The following TMEM260 variants were observed in gnomAD, a reference collection of about 807,000 sequenced individuals.
TMEM260 encodes the protein protein O-mannosyl-transferase TMEM260.
In TMEM260, 82 loss-of-function variants were observed where a neutral mutation model predicts 88.9. The observed-to-expected ratio is 0.92, with a 90% confidence interval of 0.77 to 1.11. The LOEUF (loss-of-function observed/expected upper bound fraction) is 1.11, where lower values mean the gene tolerates loss of function less well. TMEM260 is among the 50% of genes least tolerant of loss of function. The pLI, the probability that TMEM260 is intolerant of heterozygous loss-of-function variation, is 0.00. For synonymous variants in TMEM260, 314 were observed against 309.3 expected (o/e 1.02, Z -0.16); for missense variants, 902 against 853.4 (o/e 1.06, Z -0.71).
At chr14:56,586,536 C>A (rs1885516208) in intron 3 of TMEM260, among the ~76,000 whole-genome samples, 1 of 152,046 alleles carries the variant, frequency 6.6e-6, no homozygotes, top group Non-Finnish European at 1.5e-5. Context: ...ATGCTGGTAA[C>A]CCATTGTCTT....
intron 15 of TMEM260, among the ~76,000 whole-genome samples, chr14:56,645,300 A>C (rs1889883527): frequency 1.3e-5 from 2 of 151,836 alleles, no homozygotes; most frequent in South Asian, 2.1e-4. Context: ...ACACCATGGA[A>C]TACTATGCAG....
At chr14:56,601,695 T>C (rs543429403) in intron 3 of TMEM260, among the ~76,000 whole-genome samples, 1 of 152,306 alleles carries the variant, frequency 6.6e-6, no homozygotes, top group South Asian at 2.1e-4. Context: ...AATGATGTCC[T>C]TCTCACCTAT....
At chr14:56,640,990 T>C (rs1404840395) in intron 15 of TMEM260, among the ~76,000 whole-genome samples, 5 of 152,114 alleles carry the variant, frequency 3.3e-5, no homozygotes, top group African/African-American at 7.2e-5. Flanking sequence ...TATGGGACTA[T>C]GTGAAAACAA....
chr14:56,622,821 G>A lies in TMEM260; in HGVS notation c.1398+1119G>A, dbSNP rs117653645. On this transcript the variant is annotated intron_variant, in intron 11 of 15. Transcript: ENST00000261556. Reference sequence around the variant, plus strand: ...TTAATGAATAATTATAATTTTTGGAGAAAACTTTATAAACAGATTTGTAAA... The same window carrying A: ...TTAATGAATAATTATAATTTTTGGAAAAAACTTTATAAACAGATTTGTAAA... Among the ~76,000 whole-genome samples, 596 of 152,206 alleles carry A rather than the reference G, an allele frequency of 3.9e-3. 3 individuals carry two copies. The highest frequency in any genetic ancestry group is 7.0e-3 in the Non-Finnish European group (473 of 68,006).
intron 15 of TMEM260, among the ~76,000 whole-genome samples, chr14:56,642,629 G>A (rs1889681434): frequency 6.6e-6 from 1 of 152,100 alleles, no homozygotes; most frequent in African/African-American, 2.4e-5. Flanking sequence ...ACATTCAAAA[G>A]CTAGCAGAAG....
rs1890058805 is a variant in TMEM260 at position 56,647,779 on chromosome 14, A to G, written c.*282A>G. ...GTCTTTCACCAGATGACTGCACTGG[A>G]TTAGATTCTAGAAGAGAATGAACCA... On this transcript the variant is annotated 3_prime_UTR_variant, in exon 16 of 16. Coordinates refer to ENST00000261556, the MANE Select transcript of TMEM260 (RefSeq NM_017799.4). 3 of 378,248 alleles carry G rather than the reference A, an allele frequency of 7.9e-6. No homozygotes were observed. The highest frequency in any genetic ancestry group is 1.1e-4 in the East Asian group (2 of 17,738). The allele number at this position is 378,248 out of a possible 1,614,324, so 23.4% of individuals were successfully genotyped here.
intron 3 of TMEM260, among the ~76,000 whole-genome samples, chr14:56,589,394 T>C (rs1403123110): frequency 6.6e-6 from 1 of 152,176 alleles, no homozygotes; most frequent in African/African-American, 2.4e-5. Context: ...CTCATGTGAA[T>C]TGAAAGTAAA....
chr14:56,629,391 A>G (rs1234637109), intron 12 of TMEM260, among the ~76,000 whole-genome samples: 1 of 151,708 alleles, frequency 6.6e-6, no homozygotes, highest in Non-Finnish European at 1.5e-5. Flanking sequence ...CCTTACTGTC[A>G]TATAAGTCTT....
chr14:56,605,632 C>CT lies in TMEM260; in HGVS notation c.586dup (p.Tyr196LeufsTer48). The stretch of plus-strand genomic sequence containing the variant: ...TATGTAACCAGCACACAATAATACT[C>CT]TATGTTTTGTGCATAATACCTTGGA... On this transcript the variant is annotated frameshift_variant, in exon 5 of 16. Coordinates refer to ENST00000261556, the MANE Select transcript of TMEM260 (RefSeq NM_017799.4). LOFTEE classifies it high-confidence loss of function. The CT allele has an allele frequency of 6.3e-7, 1 of 1,594,856 alleles. No individual in the cohort carries two copies. The highest frequency in any genetic ancestry group is 1.8e-5 in the Admixed American group (1 of 57,036).
At chr14:56,640,349 G>A (rs1334495009) in intron 15 of TMEM260, among the ~76,000 whole-genome samples, 1 of 152,190 alleles carries the variant, frequency 6.6e-6, no homozygotes, top group African/African-American at 2.4e-5. Flanking sequence ...AATATCCGCT[G>A]TTCTGCAGCC....
At chr14:56,656,020 GA>G in the TMEM260 span, among the ~76,000 whole-genome samples, 2 of 152,170 alleles carry the variant, frequency 1.3e-5, no homozygotes, top group African/African-American at 4.8e-5. Context: ...GTTCTTTCCA[GA>G]AGATAGGATT....
In TMEM260 at chr14:56,647,482, T is replaced by C. The variant is rs780554023; in HGVS notation, c.2109T>C (p.Asn703=). 6.9e-6 allele frequency: 11 copies of C among 1,597,718 alleles called. 1 individual carries two copies. The highest frequency in any genetic ancestry group is 1.1e-5 in the South Asian group (1 of 87,856). ...GAAAAGAACTGCAAAGTCTGAGAAA[T>C]AGGAAAAATGTCTGAGACAGCAAAA... ...HLRKELQSLR[N]RKNV The change falls in exon 16 of 16, where the codon AAT becomes AAC. Residue 703 remains asparagine, a synonymous_variant. Coordinates refer to ENST00000261556, the MANE Select transcript of TMEM260 (RefSeq NM_017799.4).
intron 7 of TMEM260, chr14:56,613,649 G>A (rs1241014959): frequency 2.0e-5 from 3 of 151,934 alleles, no homozygotes; most frequent in Non-Finnish European, 4.4e-5. Context: ...TTACTTTCAC[G>A]TAACCTTTTG....
intron 12 of TMEM260, among the ~76,000 whole-genome samples, chr14:56,628,896 CT>C (rs34838221): frequency 0.37 from 54,237 of 145,098 alleles, 10,249 homozygotes; most frequent in East Asian, 0.59. Flanking sequence ...TTTTGTATTT[CT>C]TTTTTTTTTT....
intron 10 of TMEM260, chr14:56,619,342 TC>T (rs1187107779): frequency 6.6e-6 from 1 of 152,524 alleles, no homozygotes; most frequent in African/African-American, 2.4e-5. Context: ...ATGCCTTTTT[TC>T]TTTTTTTTTT....
intron 7 of TMEM260, chr14:56,613,966 G>C (rs1208608294): frequency 6.6e-6 from 1 of 151,450 alleles, no homozygotes; most frequent in Non-Finnish European, 1.5e-5. Flanking sequence ...GCAGTGGTGA[G>C]ATCTCTGCTC....
At chr14:56,633,460 C>G (rs1888783833) in intron 13 of TMEM260, 1 of 245,188 alleles carries the variant, frequency 4.1e-6, no homozygotes, top group Admixed American at 5.0e-5. Flanking sequence ...GCTGCATCAT[C>G]TACCATCCTA....
downstream of TMEM260, among the ~76,000 whole-genome samples, chr14:56,651,854 A>G (rs962988967): frequency 6.6e-6 from 1 of 152,268 alleles, no homozygotes; most frequent in Non-Finnish European, 1.5e-5. Context: ...TTAATCATTA[A>G]GTTCATAAAC....
intron 7 of TMEM260, chr14:56,615,519 T>A (rs1887539809): frequency 6.5e-6 from 1 of 153,172 alleles, no homozygotes; most frequent in African/African-American, 2.4e-5. Context: ...TTTATTTTCT[T>A]CATATTAGAT....
Sources: gnomAD v4.1 joint callset for allele counts (sites outside exome capture counted in the v4.1 genomes callset) on GRCh38, gnomAD v4.1.1 for gene constraint, MANE v1.5 for transcripts, NCBI Gene and HGNC (gene_info 2026-07-23, HGNC 2026-07-21) for gene names.